The following OR4F6 variants were observed in gnomAD, a reference collection of about 807,000 sequenced individuals.
OR4F6 encodes the protein olfactory receptor family 4 subfamily F member 6.
Under a neutral mutation model 15.9 loss-of-function variants are expected in OR4F6, and 13 were observed. The ratio of observed to expected loss-of-function variants is 0.82; its 90% CI spans 0.53 to 1.30. The LOEUF (loss-of-function observed/expected upper bound fraction) is 1.30, where lower values mean the gene tolerates loss of function less well. Among genes scored for constraint, OR4F6 ranks in the 50% most tolerant of loss-of-function variants. The pLI is 0.00. For missense variants in OR4F6, 426 were observed against 367.2 expected (o/e 1.16, Z -1.31); for synonymous variants, 150 against 133.8 (o/e 1.12, Z -0.83).
Position 101,805,752 on chromosome 15 carries a change from G to C in OR4F6, c.33G>C (p.Glu11Asp). 1 of 1,613,900 alleles carries C rather than the reference G, an allele frequency of 6.2e-7. No individual in the cohort carries two copies. Among genetic ancestry groups the C allele is most frequent in the Non-Finnish European group, 8.5e-7 (1 of 1,179,872 alleles). The change falls in exon 2 of 2, where the codon GAG becomes GAC. Residue 11 changes from glutamate to aspartate, a missense_variant. Glu to Asp is a conservative substitution (Grantham distance 45). Transcript: ENST00000328882. MDEANHSVVS[E>D]FVFLGLSDSR... Reference sequence around the variant, plus strand: ...AAGCCAATCACTCTGTGGTCTCTGAGTTTGTGTTCCTGGGACTCTCTGACT... The same window carrying C: ...AAGCCAATCACTCTGTGGTCTCTGACTTTGTGTTCCTGGGACTCTCTGACT...
Position 101,806,131 on chromosome 15 carries a change from C to A in OR4F6, c.412C>A (p.Pro138Thr). The change falls in exon 2 of 2, where the codon CCA (proline) becomes ACA (threonine). Residue 138 changes from proline to threonine, a missense_variant. Coordinates refer to ENST00000328882, the MANE Select transcript of OR4F6 (RefSeq NM_001005326.2). ...KPLHYLTIMN[P>T]QRCILFLVIS... ...TCTCCACTACCTGACCATCATGAAC[C>A]CACAAAGGTGCATTTTGTTTTTAGT... is the stretch of plus-strand genomic sequence containing the variant. The A allele has an allele frequency of 2.5e-6, 4 of 1,614,190 alleles. No homozygotes were observed. The highest frequency in any genetic ancestry group is 2.5e-6 in the Non-Finnish European group (3 of 1,180,040).
At position 101,806,189 on chromosome 15, in the gene OR4F6, T is replaced by A; in HGVS notation, c.470T>A (p.Val157Glu). 1 of 1,614,182 alleles carries A rather than the reference T, an allele frequency of 6.2e-7. No homozygotes were observed. Among genetic ancestry groups the A allele is most frequent in the Non-Finnish European group, 8.5e-7 (1 of 1,179,990 alleles). The part of the protein sequence containing the change: ...ISWIIGIIHS[V>E]IQLAFVVDLL... ...TGGATTATAGGTATTATTCACTCAG[T>A]GATTCAGTTGGCTTTTGTTGTAGAC... The change falls in exon 2 of 2, where the codon GTG becomes GAG. Residue 157 changes from valine (V) to glutamate (E), a missense_variant. Transcript: ENST00000328882.
chr15:101,806,040 TG>T lies in OR4F6; in HGVS notation c.326del (p.Gly109GlufsTer8), dbSNP rs751322464. ...TTCAGATCTTCTTTATCCATGCAGT[TG>T]GGGGAACTGAGATGGTGCTGCTCAT... is the stretch of plus-strand genomic sequence containing the variant. Reference protein sequence around the residue: ...VVQIFFIHAVGGTEMVLLIAM... With the variant: ...VVQIFFIHAVXGTEMVLLIAM... On this transcript the variant is annotated frameshift_variant, in exon 2 of 2. Transcript: ENST00000328882. LOFTEE classifies it high-confidence loss of function. 6.2e-7 allele frequency: 1 copy of T among 1,614,160 alleles called. No individual in the cohort carries two copies.
rs1902815348 is a variant in OR4F6 at position 101,806,683 on chromosome 15, C to A, written c.*25C>A. ...AATATATTGAGAATATACAAAAAGG[C>A]AAATTATACTAGAATTTCAGACAGA... is the stretch of plus-strand genomic sequence containing the variant. On this transcript the variant is annotated 3_prime_UTR_variant, in exon 2 of 2. Coordinates refer to ENST00000328882, the MANE Select transcript of OR4F6 (RefSeq NM_001005326.2). 8 of 1,315,816 alleles carry A rather than the reference C, an allele frequency of 6.1e-6. 1 individual carries two copies. The East Asian group carries it at 1.7e-4, about 29-fold the overall frequency. 81.5% of individuals were successfully genotyped at this position (1,315,816 alleles called of 1,614,324 possible).
chr15:101,804,165 G>A (rs1902759818), intron 1 of OR4F6, among the ~76,000 whole-genome samples: 1 of 20,362 alleles, frequency 4.9e-5, no homozygotes. Flanking sequence ...GTTGATGGCA[G>A]TAGGAACAGT....
At position 101,806,502 on chromosome 15, in the gene OR4F6, A is replaced by C. The variant is rs748222769; in HGVS notation, c.783A>C (p.Pro261=). ...CATTAATCTTTTTCTATATTTTTCC[A>C]TTTCCCACATCACATCTTGATAAAT... ...FGPLIFFYIF[P]FPTSHLDKFL... is the part of the protein sequence containing the mutation. Residue 261 remains proline (P), a synonymous_variant, in exon 2 of 2, where the codon CCA becomes CCC. Coordinates refer to ENST00000328882, the MANE Select transcript of OR4F6 (RefSeq NM_001005326.2). The C allele has an allele frequency of 2.5e-6, 4 of 1,613,550 alleles. No homozygotes were observed. The African/African-American group carries it at 5.3e-5, about 22-fold the overall frequency.
chr15:101,805,255 C>G (rs2141615767), intron 1 of OR4F6, among the ~76,000 whole-genome samples: 1 of 152,160 alleles, frequency 6.6e-6, no homozygotes. Context: ...ACAGTATAAA[C>G]AAGATTTATT....
rs1425363122 is a variant in OR4F6 at position 101,805,946 on chromosome 15, C to T, written c.227C>T (p.Ser76Phe). 2 of 1,613,948 alleles carry T rather than the reference C, an allele frequency of 1.2e-6. No individual in the cohort carries two copies. The highest frequency in any genetic ancestry group is 1.7e-6 in the Non-Finnish European group (2 of 1,179,988). ...ATCATCAATTTGGTATTTTGTTCCT[C>T]CACAGCTCCCAAGATGATTTATGAC... is the stretch of plus-strand genomic sequence containing the variant. ...LSIINLVFCS[S>F]TAPKMIYDLF... The change falls in exon 2 of 2, where the codon TCC (serine) becomes TTC (phenylalanine). Residue 76 changes from serine (S) to phenylalanine (F), a missense_variant. Ser to Phe is a radical substitution (Grantham distance 155). Coordinates refer to ENST00000328882, the MANE Select transcript of OR4F6 (RefSeq NM_001005326.2).
At position 101,806,603 on chromosome 15, in the gene OR4F6, T is replaced by C; in HGVS notation, c.884T>C (p.Met295Thr). 1 of 1,605,076 alleles carries C rather than the reference T, an allele frequency of 6.2e-7. No homozygotes were observed. ...TATACTTTTAGAAATAAAGAGATGA[T>C]GGTGGCAATGAGAAGACGATGCTCT... ...VIYTFRNKEM[M>T]VAMRRRCSQF... is the part of the protein sequence containing the mutation. The change falls in exon 2 of 2, where the codon ATG becomes ACG. Residue 295 changes from methionine (M) to threonine (T), a missense_variant. By Grantham distance (81) the Met-to-Thr change is moderately conservative. Coordinates refer to ENST00000328882, the MANE Select transcript of OR4F6 (RefSeq NM_001005326.2).
rs554350305 is a variant in OR4F6, at chr15:101,806,538, C to T, written c.819C>T (p.Ile273=). ...PTSHLDKFLA[I]FDAVITPVLN... ...CACATCTTGATAAATTCCTTGCCATCTTTGATGCAGTTATCACTCCCGTTT... is the reference window on the plus strand; with the variant it reads ...CACATCTTGATAAATTCCTTGCCATTTTTGATGCAGTTATCACTCCCGTTT... The change falls in exon 2 of 2, where the codon ATC becomes ATT. Residue 273 remains isoleucine (I), a synonymous_variant. Coordinates refer to ENST00000328882, the MANE Select transcript of OR4F6 (RefSeq NM_001005326.2). The T allele has an allele frequency of 1.5e-5, 24 of 1,613,746 alleles. 1 individual carries two copies. The East Asian group carries it at 5.4e-4, about 36-fold the overall frequency.
In OR4F6 at chr15:101,805,748, C is replaced by T; in HGVS notation, c.29C>T (p.Ser10Phe). 6.2e-7 allele frequency: 1 copy of T among 1,613,758 alleles called. No individual in the cohort carries two copies. Among genetic ancestry groups the T allele is most frequent in the East Asian group, 2.2e-5 (1 of 44,870 alleles). Residue 10 changes from serine to phenylalanine, a missense_variant, in exon 2 of 2, where the codon TCT becomes TTT. Ser to Phe is a radical substitution (Grantham distance 155). Transcript: ENST00000328882. Reference protein sequence around the residue: MDEANHSVVSEFVFLGLSDS... With the variant: MDEANHSVVFEFVFLGLSDS... Reference sequence around the variant, plus strand: ...GATGAAGCCAATCACTCTGTGGTCTCTGAGTTTGTGTTCCTGGGACTCTCT... The same window carrying T: ...GATGAAGCCAATCACTCTGTGGTCTTTGAGTTTGTGTTCCTGGGACTCTCT...
At position 101,805,824 on chromosome 15, in the gene OR4F6, T is replaced by C. The variant is rs1902787549; in HGVS notation, c.105T>C (p.Tyr35=). ...TCTTCCTCTTTTTCTCAGTGTTCTA[T>C]GTGTCAAGCCTGATGGGAAATCTCC... ...LLLFLFFSVF[Y]VSSLMGNLLI... The change falls in exon 2 of 2, where the codon TAT becomes TAC. Residue 35 remains tyrosine, a synonymous_variant. Coordinates refer to ENST00000328882, the MANE Select transcript of OR4F6 (RefSeq NM_001005326.2). 2 of 1,614,028 alleles carry C rather than the reference T, an allele frequency of 1.2e-6. No homozygotes were observed. Among genetic ancestry groups the C allele is most frequent in the African/African-American group, 1.3e-5 (1 of 74,930 alleles).
At position 101,804,660 on chromosome 15, in the gene OR4F6, T is replaced by C. The variant is rs1164741295; in HGVS notation, c.-33-1027T>C. 2.6e-5 allele frequency among the ~76,000 whole-genome samples: 4 copies of C among 152,310 alleles called. No homozygotes were observed. The East Asian group carries it at 7.7e-4, about 29-fold the overall frequency. On this transcript the variant is annotated intron_variant, in intron 1 of 1. Transcript: ENST00000328882. ...TCAGATTTAAACAACTATTCTGCCC[T>C]GCTTAAAAAAGTGTTCAGTGGGGAC...
In OR4F6 at chr15:101,806,034, T is replaced by C. The variant is rs926251310; in HGVS notation, c.315T>C (p.His105=). The change falls in exon 2 of 2, where the codon CAT becomes CAC. Residue 105 remains histidine, a synonymous_variant. Transcript: ENST00000328882. ...GTGTAGTTCAGATCTTCTTTATCCA[T>C]GCAGTTGGGGGAACTGAGATGGTGC... is the stretch of plus-strand genomic sequence containing the variant. ...GGCVVQIFFI[H]AVGGTEMVLL... The C allele has an allele frequency of 3.1e-6, 5 of 1,614,168 alleles. No individual in the cohort carries two copies. In the Admixed American group the frequency reaches 8.3e-5, roughly 27 times the overall value.
chr15:101,804,074 C>T (rs1902758380), intron 1 of OR4F6, among the ~76,000 whole-genome samples: 1 of 152,114 alleles, frequency 6.6e-6, no homozygotes, highest in Non-Finnish European at 1.5e-5. Context: ...TTTTCTTAAC[C>T]CTAAAATGAA....
rs748423060 is a variant in OR4F6 at position 101,806,579 on chromosome 15, A to G, written c.860A>G (p.Tyr287Cys). 1 of 1,612,272 alleles carries G rather than the reference A, an allele frequency of 6.2e-7. No individual in the cohort carries two copies. Among genetic ancestry groups the G allele is most frequent in the South Asian group, 1.1e-5 (1 of 90,540 alleles). Residue 287 changes from tyrosine to cysteine, a missense_variant, in exon 2 of 2, where the codon TAT becomes TGT. Physicochemically the swap from Tyr to Cys is radical, Grantham distance 194. Coordinates refer to ENST00000328882, the MANE Select transcript of OR4F6 (RefSeq NM_001005326.2). The part of the protein sequence containing the change: ...VITPVLNPVI[Y>C]TFRNKEMMVA... ...ACTCCCGTTTTGAATCCAGTCATCT[A>G]TACTTTTAGAAATAAAGAGATGATG...
In OR4F6 at chr15:101,806,461, G is replaced by T. The variant is rs1567109823; in HGVS notation, c.742G>T (p.Val248Phe). ...GCTGTCAGCTCATGTCATTGTGGTG[G>T]TTTTGGTCTTTGGGCCATTAATCTT... ...SMLSAHVIVV[V>F]LVFGPLIFFY... is the part of the protein sequence containing the mutation. The change falls in exon 2 of 2, where the codon GTT (valine) becomes TTT (phenylalanine). Residue 248 changes from valine to phenylalanine, a missense_variant. Transcript: ENST00000328882. The T allele has an allele frequency of 1.2e-6, 2 of 1,613,610 alleles. No homozygotes were observed. The highest frequency in any genetic ancestry group is 2.2e-5 in the South Asian group (2 of 90,916).
chr15:101,804,291 C>T (rs1000427828), intron 1 of OR4F6, among the ~76,000 whole-genome samples: 1 of 152,160 alleles, frequency 6.6e-6, no homozygotes, highest in Non-Finnish European at 1.5e-5. Context: ...CAATGATCTA[C>T]ATTTAAAAAA....
chr15:101,804,944 T>C (rs1902772040), intron 1 of OR4F6, among the ~76,000 whole-genome samples: 1 of 152,198 alleles, frequency 6.6e-6, no homozygotes, highest in Admixed American at 6.5e-5. Context: ...ATTGATAGAG[T>C]AACTTTCAGC....
Sources: allele counts gnomAD v4.1 joint callset (sites outside exome capture counted in the v4.1 genomes callset), GRCh38; gene constraint gnomAD v4.1.1; transcripts MANE v1.5; gene names NCBI Gene and HGNC (gene_info 2026-07-23, HGNC 2026-07-21).